Variants in NAMPT observed in about 807,000 individuals in gnomAD.
NAMPT encodes the protein nicotinamide phosphoribosyltransferase, also known as NAmPRTase.
In NAMPT, 7 loss-of-function variants were observed where a neutral mutation model predicts 58.7. That is an observed-to-expected ratio of 0.12 (90% CI 0.07 to 0.22). The LOEUF (loss-of-function observed/expected upper bound fraction) is 0.22, where lower values mean the gene tolerates loss of function less well. Ranked by LOEUF, NAMPT falls within the 10% of genes least tolerant of loss-of-function variation. The pLI is 1.00. For synonymous variants in NAMPT, 145 were observed against 198.1 expected (o/e 0.73, Z 2.25); for missense variants, 271 against 567.9 (o/e 0.48, Z 5.31).
At chr7:106,267,511 T>G (rs1263795130) in intron 6 of NAMPT, among the ~76,000 whole-genome samples, 1 of 152,128 alleles carries the variant, frequency 6.6e-6, no homozygotes, top group African/African-American at 2.4e-5. Context: ...ATAATTTTGT[T>G]ATAAAAGTCA....
At chr7:106,285,695 C>T, upstream of NAMPT, 4 of 600,732 alleles carry the variant, frequency 6.7e-6, no homozygotes, top group Non-Finnish European at 8.4e-6. Flanking sequence ...CCGCTTTCCT[C>T]CGGCGGCTCT....
Position 106,251,048 on chromosome 7 carries a change from A to G in NAMPT, c.*35T>C. 1 of 1,401,426 alleles carries G rather than the reference A, an allele frequency of 7.1e-7. No individual in the cohort carries two copies. The highest frequency in any genetic ancestry group is 1.0e-6 in the Non-Finnish European group (1 of 987,302). The allele number at this position is 1,401,426 out of a possible 1,614,324, so 86.8% of individuals were successfully genotyped here. A position where few individuals can be genotyped will look rare whatever the true frequency, so the allele number is the denominator to read the frequency against. On this transcript the variant is annotated 3_prime_UTR_variant, in exon 11 of 11. Coordinates refer to ENST00000222553, the MANE Select transcript of NAMPT (RefSeq NM_005746.3). Reference sequence around the variant, plus strand: ...CACATCTGTACAATAAACATTATGTATTACATACACACAACACACACCCAG... The same window carrying G: ...CACATCTGTACAATAAACATTATGTGTTACATACACACAACACACACCCAG...
At chr7:106,284,285 G>A (rs112007256) in intron 1 of NAMPT, 6 of 152,056 alleles carry the variant, frequency 3.9e-5, no homozygotes, top group African/African-American at 1.4e-4. Context: ...GAGCCGCAGA[G>A]GACCGCGGCT....
At chr7:106,254,249 C>A in intron 9 of NAMPT, 115 bp downstream of exon 9, 1 of 1,173,384 alleles carries the variant, frequency 8.5e-7, no homozygotes, top group South Asian at 1.4e-5. Context: ...TAGTACCCAA[C>A]AACATATTAA....
chr7:106,267,608 G>A (rs1340444987), intron 6 of NAMPT, among the ~76,000 whole-genome samples: 3 of 151,742 alleles, frequency 2.0e-5, no homozygotes, highest in Non-Finnish European at 4.4e-5. Context: ...TTGGGAGGCC[G>A]AGGCAGGCGG....
intron 2 of NAMPT, chr7:106,275,758 G>C (rs1020017208): frequency 2.6e-5 from 4 of 152,236 alleles, no homozygotes; most frequent in Admixed American, 6.5e-5. Flanking sequence ...CTTGGGGCCA[G>C]GCGTGGTGGC....
At chr7:106,253,201 A>C (rs779951641) in intron 9 of NAMPT, 50 bp from the exon 10 acceptor site, 5 of 1,591,076 alleles carry the variant, frequency 3.1e-6, no homozygotes, top group Non-Finnish European at 4.3e-6. Flanking sequence ...AATCATCAGA[A>C]ATGTCTAAAC....
chr7:106,285,475 C>T (rs1792861766), upstream of NAMPT: 8 of 930,290 alleles, frequency 8.6e-6, no homozygotes, highest in African/African-American at 8.9e-5. Flanking sequence ...GAAGTCACGC[C>T]ACCCGGCTAG....
chr7:106,265,273 G>T (rs936786134), intron 6 of NAMPT, among the ~76,000 whole-genome samples: 1 of 152,110 alleles, frequency 6.6e-6, no homozygotes, highest in Non-Finnish European at 1.5e-5. Context: ...TTATAACGTT[G>T]TATCAGTAAG....
rs1355747479 is a variant in NAMPT, at chr7:106,279,768, T to TATTA, written c.58-2593_58-2590dup. On this transcript the variant is annotated intron_variant, in intron 1 of 10. Coordinates refer to ENST00000222553, the MANE Select transcript of NAMPT (RefSeq NM_005746.3). ...GGCTGAAGAAGGAAGAAAAAAAATA[T>TATTA]ATTAATTTCAGATCAAGATAGATGC... Among the ~76,000 whole-genome samples, 6 of 152,282 alleles carry TATTA rather than the reference T, an allele frequency of 3.9e-5. No homozygotes were observed. The East Asian group carries it at 9.6e-4, about 24-fold the overall frequency.
At chr7:106,282,457 G>A (rs145872327) in intron 1 of NAMPT, among the ~76,000 whole-genome samples, 7 of 152,286 alleles carry the variant, frequency 4.6e-5, no homozygotes, top group Non-Finnish European at 8.8e-5. Flanking sequence ...ACACCGGACA[G>A]CACATTTCAT....
chr7:106,285,018 GGA>G (rs1562821387), upstream of NAMPT: 3 of 1,437,440 alleles, frequency 2.1e-6, no homozygotes, highest in East Asian at 2.7e-5. Context: ...AGGGGGAAAC[GGA>G]GAGAGGGGAG....
upstream of NAMPT, chr7:106,285,577 G>A (rs1792864263): frequency 1.0e-6 from 1 of 985,886 alleles, no homozygotes; most frequent in Non-Finnish European, 1.2e-6. Context: ...CCAGCCTTTC[G>A]CCTCCATCCC....
At chr7:106,263,124 G>A in intron 7 of NAMPT, 1 of 431,046 alleles carries the variant, frequency 2.3e-6, no homozygotes, top group Non-Finnish European at 4.1e-6. Flanking sequence ...AAATGGCAAT[G>A]CTGTTAATTA....
At chr7:106,283,804 T>C (rs3801266) in intron 1 of NAMPT, among the ~76,000 whole-genome samples, 39,366 of 151,884 alleles carry the variant, frequency 0.26, 6,338 homozygotes, top group African/African-American at 0.46. Context: ...TGGAATTCTC[T>C]AAAATACTTT....
At chr7:106,257,523 C>G (rs970830351) in intron 8 of NAMPT, among the ~76,000 whole-genome samples, 2 of 149,886 alleles carry the variant, frequency 1.3e-5, no homozygotes, top group Admixed American at 6.6e-5. Context: ...CCCAGCTCCT[C>G]AGGAGGCTGA....
chr7:106,269,508 A>G (rs1346058631), intron 4 of NAMPT, among the ~76,000 whole-genome samples, 196 bp from the exon 5 acceptor site: 1 of 152,172 alleles, frequency 6.6e-6, no homozygotes. Context: ...AATCAGCAAC[A>G]AAGAAGATAA....
intron 7 of NAMPT, among the ~76,000 whole-genome samples, chr7:106,262,465 G>GT (rs1339663783): frequency 6.6e-6 from 1 of 151,944 alleles, no homozygotes; most frequent in African/African-American, 2.4e-5. Flanking sequence ...TTTTTATTAC[G>GT]TAACAGTAAA....
chr7:106,264,730 C>A (rs181586216), intron 6 of NAMPT, among the ~76,000 whole-genome samples: 1 of 152,054 alleles, frequency 6.6e-6, no homozygotes, highest in African/African-American at 2.4e-5. Context: ...CCCTAATTTT[C>A]TAGTCCGCCT....
Sources: gnomAD v4.1 joint callset for allele counts (sites outside exome capture counted in the v4.1 genomes callset) on GRCh38, gnomAD v4.1.1 for gene constraint, MANE v1.5 for transcripts, NCBI Gene and HGNC (gene_info 2026-07-23, HGNC 2026-07-21) for gene names.